Variants in FHIT observed in about 807,000 individuals in gnomAD.
FHIT encodes fragile histidine triad diadenosine triphosphatase, also known as bis(5'-adenosyl)-triphosphatase.
FHIT carries 19 observed loss-of-function variants against 17.9 expected under a neutral mutation model. That is an observed-to-expected ratio of 1.06 (90% CI 0.74 to 1.56). The LOEUF is 1.56. Ranked by LOEUF, FHIT falls within the 40% of genes most tolerant of loss-of-function variation. The probability of loss-of-function intolerance (pLI) is 0.00; values close to 1 mark genes in which losing one functional copy is unlikely to be tolerated. For missense variants in FHIT, 248 were observed against 189.2 expected, an observed-to-expected ratio of 1.31 and a Z score of -1.82; for synonymous variants, 81 against 69.7, an observed-to-expected ratio of 1.16 and a Z score of -0.81.
intron 5 of FHIT, among the ~76,000 whole-genome samples, chr3:60,117,863 C>A (rs180708775): frequency 1.1e-3 from 174 of 152,204 alleles, no homozygotes; most frequent in African/African-American, 3.9e-3. Flanking sequence ...GGAAGAAAGA[C>A]CACCAACTGC....
chr3:60,594,134 C>G (rs2038182347), intron 4 of FHIT, among the ~76,000 whole-genome samples: 1 of 152,056 alleles, frequency 6.6e-6, no homozygotes, highest in African/African-American at 2.4e-5. Flanking sequence ...TTCCAGTTTT[C>G]TGTATAGAAG....
intron 2 of FHIT, among the ~76,000 whole-genome samples, chr3:61,164,722 G>C (rs1279197101): frequency 6.6e-6 from 1 of 152,050 alleles, no homozygotes. Flanking sequence ...CTGAGGTTTG[G>C]AGTACAAATG....
At chr3:60,789,515 T>TCAAA (rs1313530859) in intron 4 of FHIT, among the ~76,000 whole-genome samples, 6 of 152,098 alleles carry the variant, frequency 3.9e-5, no homozygotes, top group African/African-American at 1.4e-4. Context: ...AGACTCCATC[T>TCAAA]CAAACAAACA....
chr3:60,931,793 A>G (rs896053352), intron 3 of FHIT, among the ~76,000 whole-genome samples: 2 of 152,262 alleles, frequency 1.3e-5, no homozygotes, highest in Admixed American at 1.3e-4. Context: ...AAGAGCATAT[A>G]TAAAGAACAC....
At chr3:60,181,530 A>C (rs1303160662) in intron 5 of FHIT, among the ~76,000 whole-genome samples, 2 of 152,050 alleles carry the variant, frequency 1.3e-5, no homozygotes, top group African/African-American at 4.8e-5. Context: ...ATATAGCTAT[A>C]GGCTAGGATT....
At chr3:60,277,291 T>C (rs1367441355) in intron 5 of FHIT, among the ~76,000 whole-genome samples, 1 of 152,128 alleles carries the variant, frequency 6.6e-6, no homozygotes, top group Non-Finnish European at 1.5e-5. Context: ...AGTGAGGGTA[T>C]GGAGTCCTCC....
At chr3:60,550,288 G>A (rs1034027487) in intron 4 of FHIT, among the ~76,000 whole-genome samples, 1 of 151,894 alleles carries the variant, frequency 6.6e-6, no homozygotes, top group Admixed American at 6.6e-5. Context: ...TAATCTACAG[G>A]CGTATGTCAA....
intron 4 of FHIT, among the ~76,000 whole-genome samples, chr3:60,637,078 T>G (rs1294616683): frequency 2.0e-5 from 3 of 152,108 alleles, no homozygotes; most frequent in Non-Finnish European, 4.4e-5. Flanking sequence ...AAGCTCCAGT[T>G]TCAACCCTCT....
chr3:61,240,929 G>A (rs1345533691), intron 1 of FHIT, among the ~76,000 whole-genome samples: 4 of 152,138 alleles, frequency 2.6e-5, no homozygotes, highest in South Asian at 2.1e-4. Flanking sequence ...TATGTAAGGC[G>A]TCCCAAAGTG....
chr3:60,244,460 A>C (rs9861715), intron 5 of FHIT, among the ~76,000 whole-genome samples: 4,618 of 152,224 alleles, frequency 0.03, 222 homozygotes, highest in African/African-American at 0.11. Context: ...ATACCTCTGA[A>C]TATAACTCAG....
chr3:60,732,684 CTTTTTTTTTT>C (rs3038041), intron 4 of FHIT: 3 of 178,548 alleles, frequency 1.7e-5, no homozygotes, highest in African/African-American at 8.3e-5. Context: ...GCAAAGACTG[CTTTTTTTTTT>C]TTTTTTTTTT....
chr3:60,055,109 A>G (rs1193491863), intron 5 of FHIT, among the ~76,000 whole-genome samples: 1 of 152,130 alleles, frequency 6.6e-6, no homozygotes, highest in Non-Finnish European at 1.5e-5. Context: ...GTGGCCTCCT[A>G]TCTTTTTGCT....
intron 5 of FHIT, among the ~76,000 whole-genome samples, chr3:60,237,262 A>ATTTTTTTTTTTTTTTTTT (rs201958097): frequency 8.0e-6 from 1 of 124,850 alleles, no homozygotes; most frequent in African/African-American, 3.0e-5. Context: ...TTGTTTTTCC[A>ATTTTTTTTTTTTTTTTTT]TTTTTTTTTT....
intron 2 of FHIT, among the ~76,000 whole-genome samples, chr3:61,052,412 G>A (rs994668070): frequency 9.9e-5 from 15 of 152,068 alleles, no homozygotes; most frequent in African/African-American, 1.4e-4. Flanking sequence ...TCACACCCAC[G>A]GCTATGAAAA....
chr3:60,332,699 T>C (rs1710045775), intron 5 of FHIT, among the ~76,000 whole-genome samples: 1 of 152,142 alleles, frequency 6.6e-6, no homozygotes, highest in Non-Finnish European at 1.5e-5. Context: ...TTTTCAACAA[T>C]ATGAGGCTTT....
At chr3:59,851,355 A>G (rs553586080) in intron 8 of FHIT, among the ~76,000 whole-genome samples, 2 of 152,240 alleles carry the variant, frequency 1.3e-5, no homozygotes, top group Non-Finnish European at 2.9e-5. Context: ...AGCATTTCTT[A>G]TGTGCCAGAC....
intron 3 of FHIT, among the ~76,000 whole-genome samples, chr3:60,932,455 T>G (rs530167193): frequency 1.3e-5 from 2 of 152,246 alleles, no homozygotes; most frequent in East Asian, 3.9e-4. Flanking sequence ...GCTAAGACAA[T>G]GGCAGGCAGC....
chr3:60,761,830 GC>G (rs1699669574), intron 4 of FHIT, among the ~76,000 whole-genome samples: 1 of 136,910 alleles, frequency 7.3e-6, no homozygotes, highest in African/African-American at 2.8e-5. Context: ...ACCAATGCCC[GC>G]CCCCTCCCCT....
chr3:60,492,560 G>A (rs1230099893), intron 5 of FHIT, among the ~76,000 whole-genome samples: 1 of 150,560 alleles, frequency 6.6e-6, no homozygotes. Flanking sequence ...AGGCTGGAGT[G>A]CAATGGTGTG....
Sources: gnomAD v4.1 joint callset for allele counts (sites outside exome capture counted in the v4.1 genomes callset) on GRCh38, gnomAD v4.1.1 for gene constraint, MANE v1.5 for transcripts, NCBI Gene and HGNC (gene_info 2026-07-23, HGNC 2026-07-21) for gene names.